WASHC3: variants seen among roughly 807,000 people sequenced by gnomAD.
The protein encoded by WASHC3 is WASH complex subunit 3.
Under a neutral mutation model 26.1 loss-of-function variants are expected in WASHC3, and 24 were observed. The observed-to-expected ratio is 0.92, with a 90% CI of 0.66 to 1.29. WASHC3 has a LOEUF of 1.29. WASHC3 is among the 50% of genes most tolerant of loss of function. The pLI is 0.00. For missense variants in WASHC3, 214 were observed against 229.6 expected, an observed-to-expected ratio of 0.93 and a Z score of 0.44; for synonymous variants, 77 against 75.7, an observed-to-expected ratio of 1.02 and a Z score of -0.09.
intron 5 of WASHC3, among the ~76,000 whole-genome samples, chr12:102,039,551 TG>T (rs1245028715): frequency 1.3e-5 from 2 of 152,194 alleles, no homozygotes; most frequent in African/African-American, 4.8e-5. Context: ...TAGAGTCAAC[TG>T]ATTTACCAAA....
intron 6 of WASHC3, among the ~76,000 whole-genome samples, chr12:102,018,234 C>T (rs554541959): frequency 4.6e-5 from 7 of 152,286 alleles, no homozygotes; most frequent in Admixed American, 1.3e-4. Context: ...TCCATTGCTT[C>T]TATCTTTTGG....
intron 2 of WASHC3, chr12:102,059,882 C>T (rs574823798): frequency 8.8e-4 from 134 of 152,130 alleles, no homozygotes; most frequent in African/African-American, 3.0e-3. Context: ...ATAGTAGGAA[C>T]GAAATAAAAC....
At chr12:102,021,478 T>C (rs11111134) in intron 6 of WASHC3, among the ~76,000 whole-genome samples, 29,369 of 152,176 alleles carry the variant, frequency 0.19, 2,876 homozygotes, top group Non-Finnish European at 0.21. Context: ...ATCTCCTCTT[T>C]GATATATCTA....
chr12:102,032,722 G>T (rs1408709937), intron 5 of WASHC3, among the ~76,000 whole-genome samples: 1 of 152,084 alleles, frequency 6.6e-6, no homozygotes, highest in Admixed American at 6.6e-5. Context: ...ATGTATGAGG[G>T]AACTGAAGTC....
At chr12:102,024,707 GCT>G (rs1169761818) in intron 6 of WASHC3, among the ~76,000 whole-genome samples, 7 of 152,106 alleles carry the variant, frequency 4.6e-5, no homozygotes, top group African/African-American at 1.7e-4. Context: ...GGTAATTTTA[GCT>G]CTCTGTTATT....
At position 102,031,646 on chromosome 12, in the gene WASHC3, A is replaced by G. The variant is rs565833179; in HGVS notation, c.436-5608T>C. Among the ~76,000 whole-genome samples the G allele has an allele frequency of 3.3e-5, 5 of 152,286 alleles. No individual in the cohort carries two copies. The East Asian group carries it at 9.6e-4, about 29-fold the overall frequency. On this transcript the variant is annotated intron_variant, in intron 5 of 6. Transcript: ENST00000240079. ...TTGGTCATGAAGCTTTTATTTTTCA[A>G]TAAACAGAATGAGGCTAAAACAACA... is the stretch of plus-strand genomic sequence containing the variant.
chr12:102,052,883 C>A (rs1401346531), intron 2 of WASHC3, among the ~76,000 whole-genome samples: 5 of 152,016 alleles, frequency 3.3e-5, no homozygotes, highest in African/African-American at 4.8e-5. Context: ...GTTACCAGGC[C>A]AGCACCTATA....
rs1267691982 is a variant in WASHC3 at position 102,037,920 on chromosome 12, C to T, written c.435+1948G>A. 3.3e-5 allele frequency among the ~76,000 whole-genome samples: 5 copies of T among 152,060 alleles called. No homozygotes were observed. The East Asian group carries it at 5.8e-4, about 18-fold the overall frequency. ...AAGCGATTCTCCTGCCTCAGCCTCC[C>T]GAGTAGCTGGGATTACAGGCATGTG... is the stretch of plus-strand genomic sequence containing the variant. On this transcript the variant is annotated intron_variant, in intron 5 of 6. Coordinates refer to ENST00000240079, the MANE Select transcript of WASHC3 (RefSeq NM_016053.4).
chr12:102,046,725 C>T (rs1298652958), intron 2 of WASHC3, among the ~76,000 whole-genome samples: 2 of 152,176 alleles, frequency 1.3e-5, no homozygotes, highest in Non-Finnish European at 2.9e-5. Context: ...TTGTTTACTA[C>T]TGTACCTTTA....
intron 5 of WASHC3, among the ~76,000 whole-genome samples, chr12:102,031,015 T>G (rs1877415992): frequency 6.6e-6 from 1 of 152,146 alleles, no homozygotes; most frequent in South Asian, 2.1e-4. Context: ...ATTAAATCTG[T>G]ACACAGTATG....
At chr12:102,020,822 C>G (rs935097726) in intron 6 of WASHC3, among the ~76,000 whole-genome samples, 2 of 152,214 alleles carry the variant, frequency 1.3e-5, no homozygotes, top group African/African-American at 4.8e-5. Context: ...TGGCTCACAC[C>G]TGTAATCCCA....
chr12:102,060,490 C>A (rs568755616), intron 2 of WASHC3, among the ~76,000 whole-genome samples: 6 of 152,262 alleles, frequency 3.9e-5, no homozygotes, highest in Non-Finnish European at 7.4e-5. Context: ...CATCACAAGT[C>A]ATTTGCAGAA....
intron 5 of WASHC3, among the ~76,000 whole-genome samples, chr12:102,035,284 C>T (rs934965654): frequency 6.6e-5 from 10 of 152,024 alleles, no homozygotes; most frequent in Admixed American, 4.6e-4. Flanking sequence ...CAACTATTTG[C>T]GCCTAAGTTT....
intron 6 of WASHC3, among the ~76,000 whole-genome samples, chr12:102,023,819 A>T (rs1405509103): frequency 6.6e-6 from 1 of 152,168 alleles, no homozygotes; most frequent in Admixed American, 6.5e-5. Flanking sequence ...GACAATGTTA[A>T]TTGTTACTGG....
intron 2 of WASHC3, among the ~76,000 whole-genome samples, chr12:102,059,998 G>A (rs1421791068): frequency 6.6e-6 from 1 of 152,210 alleles, no homozygotes; most frequent in Non-Finnish European, 1.5e-5. Flanking sequence ...TTAGAAGGCA[G>A]AAGAAATGTT....
chr12:102,046,206 C>A, intron 2 of WASHC3, 87 bp from the exon 3 acceptor site: 1 of 745,598 alleles, frequency 1.3e-6, no homozygotes. Context: ...ATATTAAAAA[C>A]CATTAAATAT....
intron 2 of WASHC3, among the ~76,000 whole-genome samples, chr12:102,050,815 T>C (rs1364643548): frequency 6.6e-6 from 1 of 152,222 alleles, no homozygotes; most frequent in Non-Finnish European, 1.5e-5. Context: ...TGCCAACCCC[T>C]CAAAATTTGC....
intron 5 of WASHC3, among the ~76,000 whole-genome samples, chr12:102,037,942 T>A (rs1877744564): frequency 6.6e-6 from 1 of 151,992 alleles, no homozygotes; most frequent in Non-Finnish European, 1.5e-5. Context: ...ATTACAGGCA[T>A]GTGCCACCAT....
At chr12:102,046,386 C>A (rs912612039) in intron 2 of WASHC3, among the ~76,000 whole-genome samples, 3 of 152,100 alleles carry the variant, frequency 2.0e-5, no homozygotes, top group Non-Finnish European at 4.4e-5. Flanking sequence ...ACCCCTGCCC[C>A]CTGGGTTCAA....
Sources: allele counts gnomAD v4.1 joint callset (sites outside exome capture counted in the v4.1 genomes callset), GRCh38; gene constraint gnomAD v4.1.1; transcripts MANE v1.5; gene names NCBI Gene and HGNC (gene_info 2026-07-23, HGNC 2026-07-21).